SBF2: variants seen among roughly 807,000 people sequenced by gnomAD.
SBF2 encodes SET binding factor 2, also known as myotubularin-related protein 13.
In SBF2, 112 loss-of-function variants were observed where a neutral mutation model predicts 225.2. The ratio of observed to expected loss-of-function variants is 0.50; its 90% CI spans 0.43 to 0.58. The LOEUF (loss-of-function observed/expected upper bound fraction) is 0.58. SBF2 is among the 20% of genes least tolerant of loss of function. The pLI, the probability that SBF2 is intolerant of heterozygous loss-of-function variation, is 0.00. For missense variants in SBF2, 1,996 were observed against 2,206.2 expected (o/e 0.90, Z 1.91); for synonymous variants, 763 against 773.3 (o/e 0.99, Z 0.22).
chr11:9,974,348 C>T (rs1946581112), intron 13 of SBF2, among the ~76,000 whole-genome samples: 1 of 152,030 alleles, frequency 6.6e-6, no homozygotes, highest in Admixed American at 6.6e-5. Flanking sequence ...GTATCTTTGG[C>T]CTTTATCCAC....
intron 2 of SBF2, among the ~76,000 whole-genome samples, chr11:10,113,224 G>C (rs1443955290): frequency 6.6e-6 from 1 of 152,124 alleles, no homozygotes; most frequent in Non-Finnish European, 1.5e-5. Context: ...AAACCCCTGG[G>C]CTCAAGCAGT....
intron 27 of SBF2, among the ~76,000 whole-genome samples, chr11:9,830,414 C>T (rs1855316338): frequency 6.6e-6 from 1 of 152,164 alleles, no homozygotes; most frequent in South Asian, 2.1e-4. Context: ...TTTCTGATCA[C>T]ATCAATTGTA....
intron 1 of SBF2, among the ~76,000 whole-genome samples, chr11:10,250,719 C>T (rs900183640): frequency 1.3e-5 from 2 of 152,192 alleles, no homozygotes; most frequent in Middle Eastern, 3.2e-3. Context: ...GGACAATCAA[C>T]TCCTTCACAA....
chr11:10,249,716 T>C (rs1017354267), intron 1 of SBF2, among the ~76,000 whole-genome samples: 9 of 147,820 alleles, frequency 6.1e-5, no homozygotes, highest in African/African-American at 1.7e-4. Flanking sequence ...GGGGAGTCCA[T>C]AGCATTGGAA....
At chr11:10,153,762 T>C (rs958790497) in intron 2 of SBF2, among the ~76,000 whole-genome samples, 3 of 152,070 alleles carry the variant, frequency 2.0e-5, no homozygotes, top group Non-Finnish European at 2.9e-5. Context: ...AATTTATAGA[T>C]TGATCAGGGA....
intron 2 of SBF2, among the ~76,000 whole-genome samples, chr11:10,086,836 G>A (rs896297378): frequency 6.6e-6 from 1 of 152,094 alleles, no homozygotes; most frequent in African/African-American, 2.4e-5. Context: ...GGTCCAGATC[G>A]CCTGTTTTAT....
chr11:10,142,675 G>A lies in SBF2; in HGVS notation c.141+51227C>T, dbSNP rs528210906. ...TCCCCACAAACCACATAAAACTTGT[G>A]AAGTCACCATTCTCTACAGAAATGA... is the stretch of plus-strand genomic sequence containing the variant. On this transcript the variant is annotated intron_variant, in intron 2 of 39. Transcript: ENST00000256190. Among the ~76,000 whole-genome samples the A allele has an allele frequency of 4.6e-5, 7 of 152,262 alleles. No homozygotes were observed. In the South Asian group the frequency reaches 1.5e-3, roughly 32 times the overall value.
chr11:10,160,300 C>T (rs1955676821), intron 2 of SBF2, among the ~76,000 whole-genome samples: 1 of 152,150 alleles, frequency 6.6e-6, no homozygotes. Flanking sequence ...ACTCTCCATT[C>T]CCCAAACTAT....
At chr11:10,033,518 TGAC>T (rs1949334078) in intron 3 of SBF2, among the ~76,000 whole-genome samples, 1 of 152,150 alleles carries the variant, frequency 6.6e-6, no homozygotes, top group Non-Finnish European at 1.5e-5. Context: ...ATTACGATGT[TGAC>T]TTTTCCTTTG....
chr11:10,225,953 T>C (rs554988306), intron 1 of SBF2, among the ~76,000 whole-genome samples: 1 of 152,304 alleles, frequency 6.6e-6, no homozygotes, highest in South Asian at 2.1e-4. Context: ...TATTCATGCC[T>C]TTTAAACCAG....
chr11:10,252,062 G>A (rs943936482), intron 1 of SBF2, among the ~76,000 whole-genome samples: 2 of 152,186 alleles, frequency 1.3e-5, no homozygotes, highest in African/African-American at 4.8e-5. Flanking sequence ...AGACTTCAAG[G>A]AAACACCTAG....
At chr11:9,974,850 C>T (rs1199150096) in intron 13 of SBF2, among the ~76,000 whole-genome samples, 1 of 148,884 alleles carries the variant, frequency 6.7e-6, no homozygotes, top group Non-Finnish European at 1.5e-5. Flanking sequence ...ATCCCAGCTA[C>T]TTGGGAGGCT....
At chr11:10,294,234 C>A, upstream of SBF2, 2 of 479,882 alleles carry the variant, frequency 4.2e-6, no homozygotes, top group Admixed American at 4.6e-5. Flanking sequence ...TTGCGCGGCG[C>A]CTAGTGCCCG....
In SBF2 at chr11:9,840,248, G is replaced by A. The variant is rs112722810; in HGVS notation, c.3257-552C>T. The stretch of plus-strand genomic sequence containing the variant: ...GACTTTGTCTCAAACCCCGCCCCCA[G>A]CCGCAAAAAAAAAAAAAAACAAACC... On this transcript the variant is annotated intron_variant, in intron 25 of 39. Coordinates refer to ENST00000256190, the MANE Select transcript of SBF2 (RefSeq NM_030962.4). Among the ~76,000 whole-genome samples, 13 of 128,272 alleles carry A rather than the reference G, an allele frequency of 1.0e-4. 1 individual carries two copies. Among genetic ancestry groups the A allele is most frequent in the African/African-American group, 3.5e-4 (13 of 37,188 alleles). 84.2% of individuals were successfully genotyped at this position (128,272 alleles called of 152,430 possible).
chr11:10,081,778 AAAG>A (rs1951377120), intron 2 of SBF2, among the ~76,000 whole-genome samples: 1 of 151,776 alleles, frequency 6.6e-6, no homozygotes, highest in South Asian at 2.1e-4. Flanking sequence ...AAAAAAAGAA[AAAG>A]AAATATTGCA....
intron 2 of SBF2, among the ~76,000 whole-genome samples, chr11:10,184,971 T>C (rs897837712): frequency 2.0e-5 from 3 of 152,186 alleles, no homozygotes; most frequent in African/African-American, 4.8e-5. Flanking sequence ...TTGTGTTTTT[T>C]TGTGATTGGC....
intron 16 of SBF2, among the ~76,000 whole-genome samples, chr11:9,941,699 G>C (rs1027387081): frequency 1.3e-5 from 2 of 152,068 alleles, no homozygotes; most frequent in South Asian, 2.1e-4. Flanking sequence ...TTCTAGCACA[G>C]ATAAAGCTTA....
chr11:9,829,957 C>T (rs1855289047), intron 27 of SBF2, among the ~76,000 whole-genome samples: 1 of 152,246 alleles, frequency 6.6e-6, no homozygotes, highest in Non-Finnish European at 1.5e-5. Flanking sequence ...CTTTCCAATA[C>T]CAGCAACTTT....
intron 12 of SBF2, among the ~76,000 whole-genome samples, chr11:9,991,974 G>C (rs1355800012): frequency 6.6e-6 from 1 of 151,612 alleles, no homozygotes; most frequent in African/African-American, 2.4e-5. Context: ...ACTGTATTAG[G>C]GCCTTTAAAA....
Sources: gnomAD v4.1 joint callset for allele counts (sites outside exome capture counted in the v4.1 genomes callset) on GRCh38, gnomAD v4.1.1 for gene constraint, MANE v1.5 for transcripts, NCBI Gene and HGNC (gene_info 2026-07-23, HGNC 2026-07-21) for gene names.